GCNT1: variants seen among roughly 807,000 people sequenced by gnomAD.
The protein encoded by GCNT1 is beta-1,3-galactosyl-O-glycosyl-glycoprotein beta-1,6-N-acetylglucosaminyltransferase.
A neutral mutation model predicts 26.2 loss-of-function variants in GCNT1; 16 were observed. The observed-to-expected ratio is 0.61, with a 90% confidence interval of 0.41 to 0.93. The LOEUF (loss-of-function observed/expected upper bound fraction) is 0.93, where lower values mean the gene tolerates loss of function less well. Ranked by LOEUF, GCNT1 falls within the 40% of genes least tolerant of loss-of-function variation. GCNT1 has a pLI of 0.00. For synonymous variants in GCNT1, 183 were observed against 190.8 expected, an observed-to-expected ratio of 0.96 and a Z score of 0.34; for missense variants, 477 against 526.7, an observed-to-expected ratio of 0.91 and a Z score of 0.92.
At chr9:76,433,027 CA>C (rs1823358347) in intron 1 of GCNT1, among the ~76,000 whole-genome samples, 1 of 152,154 alleles carries the variant, frequency 6.6e-6, no homozygotes, top group Admixed American at 6.5e-5. Context: ...ACCACCCGAC[CA>C]AGTGGGAGAC....
chr9:76,431,052 G>T (rs1276579749), intron 1 of GCNT1, among the ~76,000 whole-genome samples: 1 of 152,078 alleles, frequency 6.6e-6, no homozygotes, highest in Non-Finnish European at 1.5e-5. Context: ...TATTGGAGTA[G>T]TTCAATTTGG....
At position 76,503,310 on chromosome 9, in the gene GCNT1, A is replaced by C; in HGVS notation, c.929A>C (p.Glu310Ala). Reference sequence around the variant, plus strand: ...AATGAAAAAATCCAAAAGTTGATGGAGTGGGCACAAGACACATACAGCCCT... The same window carrying C: ...AATGAAAAAATCCAAAAGTTGATGGCGTGGGCACAAGACACATACAGCCCT... ...LQNEKIQKLM[E>A]WAQDTYSPDE... Residue 310 changes from glutamate (E) to alanine (A), a missense_variant, in exon 4 of 4, where the codon GAG becomes GCG. Coordinates refer to ENST00000376730, the MANE Select transcript of GCNT1 (RefSeq NM_001490.5). The C allele has an allele frequency of 6.2e-7, 1 of 1,614,090 alleles. No homozygotes were observed. The highest frequency in any genetic ancestry group is 8.5e-7 in the Non-Finnish European group (1 of 1,179,986).
intron 2 of GCNT1, among the ~76,000 whole-genome samples, chr9:76,462,571 A>G (rs993928555): frequency 7.9e-5 from 12 of 152,204 alleles, no homozygotes; most frequent in African/African-American, 2.9e-4. Context: ...ACATAGGCAA[A>G]TGTTCCCCGG....
chr9:76,450,291 T>C (rs560595489), intron 1 of GCNT1, among the ~76,000 whole-genome samples: 5 of 152,262 alleles, frequency 3.3e-5, no homozygotes, highest in Non-Finnish European at 7.3e-5. Context: ...CCTTATAGCA[T>C]ATGCGTAAAT....
At chr9:76,482,750 T>C (rs1044459515) in intron 2 of GCNT1, among the ~76,000 whole-genome samples, 3 of 150,758 alleles carry the variant, frequency 2.0e-5, no homozygotes, top group Non-Finnish European at 4.4e-5. Context: ...GTTCAGGTGA[T>C]CCTCCCACCT....
Position 76,502,688 on chromosome 9 carries a change from TTCA to T in GCNT1, c.311_313del (p.Ile104del). 6.2e-7 allele frequency: 1 copy of T among 1,614,160 alleles called. No homozygotes were observed. The highest frequency in any genetic ancestry group is 8.5e-7 in the Non-Finnish European group (1 of 1,180,010). On this transcript the variant is annotated inframe_deletion, in exon 4 of 4. Transcript: ENST00000376730. ...AAACATGACCAGTGACTGTTCTTCTTTCATCAAGAGACGCAAATATATTGTAGA... is the reference window on the plus strand; with the variant it reads ...AAACATGACCAGTGACTGTTCTTCTTTCAAGAGACGCAAATATATTGTAGA...
chr9:76,405,259 A>G, the GCNT1 span, among the ~76,000 whole-genome samples: 1 of 149,840 alleles, frequency 6.7e-6, no homozygotes, highest in Non-Finnish European at 1.5e-5. Flanking sequence ...TGAGAAGTAC[A>G]GAAAGTTCCC....
intron 2 of GCNT1, among the ~76,000 whole-genome samples, 196 bp downstream of exon 2, chr9:76,460,373 G>A (rs1823845293): frequency 6.6e-6 from 1 of 152,076 alleles, no homozygotes; most frequent in East Asian, 1.9e-4. Flanking sequence ...ACAGCTTTTT[G>A]TGGGCTGAAT....
chr9:76,450,078 C>T (rs576202599), intron 1 of GCNT1, among the ~76,000 whole-genome samples: 3 of 152,186 alleles, frequency 2.0e-5, no homozygotes, highest in South Asian at 2.1e-4. Flanking sequence ...CGGCCCTATT[C>T]GCCTCTTTTT....
intron 1 of GCNT1, among the ~76,000 whole-genome samples, chr9:76,445,411 A>G (rs750681763): frequency 6.6e-6 from 1 of 151,684 alleles, no homozygotes; most frequent in Non-Finnish European, 1.5e-5. Flanking sequence ...TATTTTTTTG[A>G]CAGTCTCACT....
In GCNT1 at chr9:76,482,129, C is replaced by A. The variant is rs544897362; in HGVS notation, c.-289-18787C>A. Among the ~76,000 whole-genome samples the A allele has an allele frequency of 2.8e-4, 42 of 152,126 alleles. No individual in the cohort carries two copies. In the East Asian group the frequency reaches 7.9e-3, roughly 29 times the overall value. ...ATAGCCTTGAAAAAATTATCTGGAA[C>A]AAAAAGACAGTGCCTCACTTGCAAG... On this transcript the variant is annotated intron_variant, in intron 2 of 3. Coordinates refer to ENST00000376730, the MANE Select transcript of GCNT1 (RefSeq NM_001490.5).
rs576102768 is a variant in GCNT1, at chr9:76,505,560, G to C, written c.*1892G>C. On this transcript the variant is annotated 3_prime_UTR_variant, in exon 4 of 4. Transcript: ENST00000376730. ...TTAACTCTAAAACTAGTGATACTCA[G>C]TGACATAGACTTTGTCTTATAAACA... The C allele has an allele frequency of 6.0e-6, 1 of 166,700 alleles. No individual in the cohort carries two copies. Among genetic ancestry groups the C allele is most frequent in the African/African-American group, 2.4e-5 (1 of 41,564 alleles). The allele number at this position is 166,700 out of a possible 1,614,324, so 10.3% of individuals were successfully genotyped here.
intron 1 of GCNT1, among the ~76,000 whole-genome samples, chr9:76,427,193 A>C (rs75970269): frequency 0.02 from 2,620 of 128,380 alleles, 90 homozygotes; most frequent in African/African-American, 0.073. Context: ...TAATTCTGCC[A>C]ACACCTTTTT....
At chr9:76,403,059 G>A in the GCNT1 span, among the ~76,000 whole-genome samples, 2 of 152,150 alleles carry the variant, frequency 1.3e-5, no homozygotes, top group South Asian at 4.1e-4. Flanking sequence ...TACCTATATG[G>A]AATGTAAACC....
At chr9:76,455,620 G>T (rs1472915398), upstream of GCNT1, among the ~76,000 whole-genome samples, 3 of 151,584 alleles carry the variant, frequency 2.0e-5, no homozygotes, top group African/African-American at 7.3e-5. Context: ...ATCTATTTTT[G>T]AGATGGAATC....
chr9:76,479,319 G>A (rs785933), intron 2 of GCNT1, among the ~76,000 whole-genome samples: 78,689 of 152,042 alleles, frequency 0.52, 22,136 homozygotes, highest in Non-Finnish European at 0.62. Context: ...ATAAACCTAC[G>A]TGTGCATGTG....
intron 2 of GCNT1, among the ~76,000 whole-genome samples, chr9:76,477,566 A>C (rs1303829598): frequency 6.6e-6 from 1 of 151,720 alleles, no homozygotes; most frequent in African/African-American, 2.4e-5. Flanking sequence ...TCTTCATCTC[A>C]TTCACTTACC....
chr9:76,429,184 A>G (rs1027949939), intron 1 of GCNT1, among the ~76,000 whole-genome samples: 3 of 152,156 alleles, frequency 2.0e-5, no homozygotes, highest in Non-Finnish European at 2.9e-5. Context: ...GTACACTATA[A>G]TATACATTTC....
the GCNT1 span, among the ~76,000 whole-genome samples, chr9:76,402,393 C>T: frequency 2.0e-5 from 3 of 152,140 alleles, no homozygotes; most frequent in Non-Finnish European, 4.4e-5. Flanking sequence ...TCATAAAAGA[C>T]ATTTTTAAAT....
Sources: gnomAD v4.1 joint callset for allele counts (sites outside exome capture counted in the v4.1 genomes callset) on GRCh38, gnomAD v4.1.1 for gene constraint, MANE v1.5 for transcripts, NCBI Gene and HGNC (gene_info 2026-07-23, HGNC 2026-07-21) for gene names.